Variants in POLR1A observed in about 807,000 individuals in gnomAD.
POLR1A encodes the protein RNA polymerase I subunit A, also known as DNA-directed RNA polymerase I subunit RPA1.
Under a neutral mutation model 205.3 loss-of-function variants are expected in POLR1A, and 84 were observed. The observed-to-expected ratio is 0.41, with a 90% CI of 0.34 to 0.49. The LOEUF is 0.49. Ranked by LOEUF, POLR1A falls within the 20% of genes least tolerant of loss-of-function variation. POLR1A has a pLI of 0.22. For synonymous variants in POLR1A, 799 were observed against 863.7 expected (o/e 0.93, Z 1.31); for missense variants, 1,645 against 2,204.5 (o/e 0.75, Z 5.08).
rs1558762578 is a variant in POLR1A at position 86,033,811 on chromosome 2, A to C, written c.4035-24T>G. The C allele has an allele frequency of 4.3e-6, 7 of 1,612,664 alleles. No homozygotes were observed. The East Asian group carries it at 1.6e-4, about 36-fold the overall frequency. The stretch of plus-strand genomic sequence containing the variant: ...ATCTAAAACAAGAAGAAAGCCAAAA[A>C]GCCCTGTGCAGTACCAGCATGTCCA... On this transcript the variant is annotated intron_variant, in intron 27 of 33. Coordinates refer to ENST00000263857, the MANE Select transcript of POLR1A (RefSeq NM_015425.6).
In POLR1A at chr2:86,041,997, T is replaced by C; in HGVS notation, c.3464A>G (p.Tyr1155Cys). Residue 1155 changes from tyrosine to cysteine, a missense_variant, in exon 24 of 34, where the codon TAC becomes TGC. Physicochemically the swap from Tyr to Cys is radical, Grantham distance 194. Transcript: ENST00000263857. ...AAATGTTTCTGACACTGATGCAAAG[T>C]AGATGTCAGGACGCCAGACAGACAG... is the stretch of plus-strand genomic sequence containing the variant. ...PSLSVWRPDI[Y>C]FASVSETFET... 1 of 1,614,122 alleles carries C rather than the reference T, an allele frequency of 6.2e-7. No individual in the cohort carries two copies. The highest frequency in any genetic ancestry group is 1.7e-5 in the Admixed American group (1 of 60,024).
chr2:86,077,416 G>C (rs570885136), intron 11 of POLR1A, among the ~76,000 whole-genome samples: 37 of 152,270 alleles, frequency 2.4e-4, no homozygotes, highest in Admixed American at 7.2e-4. Context: ...CCAGTAACCT[G>C]GGGTACACAT....
In POLR1A at chr2:86,027,393, G is replaced by C. The variant is rs774587600; in HGVS notation, c.*30C>G. On this transcript the variant is annotated 3_prime_UTR_variant, in exon 34 of 34. Transcript: ENST00000263857. ...GGCCACGCCCTCACCAAGGGTCCTT[G>C]GAGCTGGGCAGATGGTGCCGGGGTA... is the stretch of plus-strand genomic sequence containing the variant. The C allele has an allele frequency of 6.4e-7, 1 of 1,574,592 alleles. No individual in the cohort carries two copies. The highest frequency in any genetic ancestry group is 8.7e-7 in the Non-Finnish European group (1 of 1,144,074).
chr2:86,071,431 C>T (rs1297609912), intron 12 of POLR1A, among the ~76,000 whole-genome samples: 1 of 152,190 alleles, frequency 6.6e-6, no homozygotes, highest in Non-Finnish European at 1.5e-5. Flanking sequence ...GCTGGAATTA[C>T]AGGCATGAGT....
At chr2:86,083,316 T>G in intron 6 of POLR1A, 148 bp from the exon 7 acceptor site, 1 of 628,468 alleles carries the variant, frequency 1.6e-6, no homozygotes, top group East Asian at 2.7e-5. Flanking sequence ...CTGGATTCCC[T>G]CTGGCCCTTA....
rs375333061 is a variant in POLR1A at position 86,098,640 on chromosome 2, C to T, written c.403G>A (p.Val135Ile). Residue 135 changes from valine to isoleucine, a missense_variant, in exon 3 of 34, where the codon GTC becomes ATC. Around this residue, in one of 16 missense-constraint regions of POLR1A, gnomAD observed 330 missense variants for 375.6 expected, o/e 0.88. Transcript: ENST00000263857. ...TTCAGAATTCTCTCAAGCTCGTAGA[C>T]TGCTTGTAGGGCCCCGACTTCCAGA... Reference protein sequence around the residue: ...RVLEVGALQAVYELERILNRF... With the variant: ...RVLEVGALQAIYELERILNRF... The T allele has an allele frequency of 1.9e-5, 31 of 1,613,582 alleles. No individual in the cohort carries two copies. The African/African-American group carries it at 3.9e-4, about 20-fold the overall frequency.
intron 15 of POLR1A, 69 bp from the exon 16 acceptor site, chr2:86,053,069 C>T: frequency 8.3e-7 from 1 of 1,206,054 alleles, no homozygotes; most frequent in Non-Finnish European, 1.1e-6. Flanking sequence ...CCACCCTCTA[C>T]TCCATGTGTG....
chr2:86,029,581 G>A (rs1347128748), intron 31 of POLR1A, among the ~76,000 whole-genome samples: 1 of 148,844 alleles, frequency 6.7e-6, no homozygotes, highest in Non-Finnish European at 1.5e-5. Context: ...TCTACTTCGG[G>A]AGGGTCTTAA....
chr2:86,033,725 T>C lies in POLR1A; in HGVS notation c.4097A>G (p.Asn1366Ser), dbSNP rs1208748988. The C allele has an allele frequency of 1.2e-6, 2 of 1,613,998 alleles. No homozygotes were observed. The highest frequency in any genetic ancestry group is 1.7e-6 in the Non-Finnish European group (2 of 1,179,960). ...KKNNKASAFR[N>S]VNTRRATQRD... Reference sequence around the variant, plus strand: ...CTGTGTAGCTCTTCGAGTGTTTACGTTCCTGAAAGCTGATGCTTTATTATT... The same window carrying C: ...CTGTGTAGCTCTTCGAGTGTTTACGCTCCTGAAAGCTGATGCTTTATTATT... Residue 1366 changes from asparagine (N) to serine (S), a missense_variant, in exon 28 of 34, where the codon AAC (asparagine) becomes AGC (serine). By Grantham distance (46) the Asn-to-Ser change is conservative. Coordinates refer to ENST00000263857, the MANE Select transcript of POLR1A (RefSeq NM_015425.6).
chr2:86,031,947 G>A (rs946803377), intron 29 of POLR1A, among the ~76,000 whole-genome samples: 3 of 152,174 alleles, frequency 2.0e-5, no homozygotes, highest in African/African-American at 7.2e-5. Context: ...GTTTGTGGGA[G>A]GAGAGAGAGG....
intron 3 of POLR1A, among the ~76,000 whole-genome samples, chr2:86,091,400 C>T (rs2104430230): frequency 1.3e-5 from 2 of 152,224 alleles, no homozygotes; most frequent in South Asian, 4.1e-4. Flanking sequence ...GGATTACAGG[C>T]ATTATCCACT....
At chr2:86,034,431 G>A (rs989318884) in intron 27 of POLR1A, among the ~76,000 whole-genome samples, 7 of 152,220 alleles carry the variant, frequency 4.6e-5, no homozygotes, top group Non-Finnish European at 8.8e-5. Flanking sequence ...TTGTGGCAAT[G>A]AATCGTGTCA....
rs573507100 is a variant in POLR1A, at chr2:86,051,615, C to T, written c.2392+1202G>A. Among the ~76,000 whole-genome samples the T allele has an allele frequency of 1.2e-4, 18 of 152,338 alleles. No individual in the cohort carries two copies. The South Asian group carries it at 1.9e-3, about 16-fold the overall frequency. ...GGTGCATGCCTGACACGCAGCATCT[C>T]GCGTCCCCCTAACGCGAACAGCGTG... is the stretch of plus-strand genomic sequence containing the variant. On this transcript the variant is annotated intron_variant, in intron 16 of 33. Coordinates refer to ENST00000263857, the MANE Select transcript of POLR1A (RefSeq NM_015425.6).
chr2:86,041,863 GT>G, intron 24 of POLR1A, 25 bp downstream of exon 24: 1 of 1,575,694 alleles, frequency 6.3e-7, no homozygotes, highest in South Asian at 1.1e-5. Flanking sequence ...TCCTGCACAT[GT>G]TGTGCAACAA....
At chr2:86,100,389 A>G (rs1673790794) in intron 1 of POLR1A, among the ~76,000 whole-genome samples, 1 of 152,214 alleles carries the variant, frequency 6.6e-6, no homozygotes, top group Non-Finnish European at 1.5e-5. Flanking sequence ...TAAGTCATAA[A>G]ATACATATGT....
intron 6 of POLR1A, among the ~76,000 whole-genome samples, chr2:86,086,059 CTT>C (rs70953983): frequency 9.4e-5 from 14 of 148,980 alleles, no homozygotes; most frequent in East Asian, 2.0e-4. Flanking sequence ...ACAGCCCTCA[CTT>C]TTTTTTTTTT....
intron 22 of POLR1A, among the ~76,000 whole-genome samples, chr2:86,043,569 C>G (rs1672656763): frequency 6.6e-6 from 1 of 152,170 alleles, no homozygotes; most frequent in Non-Finnish European, 1.5e-5. Flanking sequence ...GAGCACAACC[C>G]TCAATTCTAC....
At chr2:86,091,882 G>C (rs898042028) in intron 3 of POLR1A, among the ~76,000 whole-genome samples, 6 of 152,162 alleles carry the variant, frequency 3.9e-5, no homozygotes, top group Non-Finnish European at 7.3e-5. Flanking sequence ...GTGAGGCCAA[G>C]GCAGGCAGAT....
intron 14 of POLR1A, among the ~76,000 whole-genome samples, chr2:86,061,006 C>T (rs866471028): frequency 7.9e-5 from 12 of 152,172 alleles, no homozygotes; most frequent in African/African-American, 2.4e-4. Flanking sequence ...AAAGGCACAT[C>T]ACAAAAGATG....
Sources: allele counts gnomAD v4.1 joint callset (sites outside exome capture counted in the v4.1 genomes callset), GRCh38; gene constraint gnomAD v4.1.1; regional missense constraint gnomAD v4.1.1; transcripts MANE v1.5; gene names NCBI Gene and HGNC (gene_info 2026-07-23, HGNC 2026-07-21).